The following EIPR1 variants were observed in gnomAD, a reference collection of about 807,000 sequenced individuals.
EIPR1 encodes the protein EARP and GARP complex-interacting protein 1.
In EIPR1, 25 loss-of-function variants were observed where a neutral mutation model predicts 48.1. That is an observed-to-expected ratio of 0.52 (90% CI 0.38 to 0.73). The LOEUF (loss-of-function observed/expected upper bound fraction) is 0.73. Ranked by LOEUF, EIPR1 falls within the 30% of genes least tolerant of loss-of-function variation. The pLI is 0.00. For synonymous variants in EIPR1, 204 were observed against 201.9 expected (o/e 1.01, Z -0.09); for missense variants, 415 against 506.2 (o/e 0.82, Z 1.73).
intron 2 of EIPR1, among the ~76,000 whole-genome samples, chr2:3,346,026 A>G (rs1670390161): frequency 6.6e-6 from 1 of 152,230 alleles, no homozygotes; most frequent in South Asian, 2.1e-4. Flanking sequence ...GGGAAACCCT[A>G]TGATCCAGAG....
At chr2:3,337,898 C>T (rs1446062772) in intron 3 of EIPR1, 119 bp downstream of exon 3, 1 of 1,128,700 alleles carries the variant, frequency 8.9e-7, no homozygotes, top group African/African-American at 1.6e-5. Context: ...CATGCAACAC[C>T]TTCATTAATG....
intron 3 of EIPR1, among the ~76,000 whole-genome samples, chr2:3,329,734 C>A (rs527668073): frequency 6.7e-6 from 1 of 149,512 alleles, no homozygotes; most frequent in East Asian, 2.0e-4. Flanking sequence ...AGGCTCTACT[C>A]GCCATGCTCT....
chr2:3,216,773 C>A (rs1374480274), intron 4 of EIPR1, among the ~76,000 whole-genome samples: 1 of 152,186 alleles, frequency 6.6e-6, no homozygotes, highest in Non-Finnish European at 1.5e-5. Context: ...ACACTTAATA[C>A]CTGTTGATGA....
chr2:3,317,513 G>A (rs543115948), intron 3 of EIPR1, among the ~76,000 whole-genome samples: 2 of 152,230 alleles, frequency 1.3e-5, no homozygotes, highest in Non-Finnish European at 2.9e-5. Flanking sequence ...TGCCGGGAGC[G>A]CATGAGGCGC....
In EIPR1 at chr2:3,307,517, T is replaced by C. The variant is rs144300235; in HGVS notation, c.259+30500A>G. ...GCAATAGAACCAGCAGCCCCACTTCTGCAGGAGCAGCACCAGGCAGCCAGG... is the reference window on the plus strand; with the variant it reads ...GCAATAGAACCAGCAGCCCCACTTCCGCAGGAGCAGCACCAGGCAGCCAGG... On this transcript the variant is annotated intron_variant, in intron 3 of 8. Coordinates refer to ENST00000382125, the MANE Select transcript of EIPR1 (RefSeq NM_003310.5). Among the ~76,000 whole-genome samples the C allele has an allele frequency of 2.1e-3, 325 of 152,318 alleles. 2 individuals are homozygous for C. Among genetic ancestry groups the C allele is most frequent in the African/African-American group, 7.4e-3 (309 of 41,570 alleles).
chr2:3,214,739 G>C (rs569596172), intron 4 of EIPR1, among the ~76,000 whole-genome samples: 166 of 152,332 alleles, frequency 1.1e-3, no homozygotes, highest in Middle Eastern at 6.8e-3. Context: ...CACACTGAAA[G>C]TGAAAGGTAG....
At chr2:3,364,971 AAG>A (rs768264370) in intron 1 of EIPR1, among the ~76,000 whole-genome samples, 2 of 152,218 alleles carry the variant, frequency 1.3e-5, no homozygotes, top group Non-Finnish European at 2.9e-5. Context: ...AAATAGCTAA[AAG>A]AGAATAATTT....
chr2:3,231,202 C>A (rs2103167164), intron 4 of EIPR1, among the ~76,000 whole-genome samples: 1 of 152,248 alleles, frequency 6.6e-6, no homozygotes, highest in African/African-American at 2.4e-5. Flanking sequence ...GATTTTGTAT[C>A]CTGCAACTTT....
chr2:3,299,658 A>ACG (rs57693769), intron 3 of EIPR1, among the ~76,000 whole-genome samples: 53 of 150,384 alleles, frequency 3.5e-4, no homozygotes, highest in African/African-American at 9.8e-4. Flanking sequence ...ACACACACAC[A>ACG]CTTTGAGTTA....
At chr2:3,345,948 A>C (rs1481065527) in intron 2 of EIPR1, among the ~76,000 whole-genome samples, 1 of 152,006 alleles carries the variant, frequency 6.6e-6, no homozygotes, top group South Asian at 2.1e-4. Flanking sequence ...GTCCAGTGAA[A>C]ACCACCACCA....
intron 3 of EIPR1, among the ~76,000 whole-genome samples, chr2:3,330,393 A>T (rs542685815): frequency 6.6e-6 from 1 of 152,362 alleles, no homozygotes; most frequent in East Asian, 1.9e-4. Context: ...TGGAAGGTCC[A>T]GAGCAAGGGG....
chr2:3,354,565 A>G lies in EIPR1; in HGVS notation c.111T>C (p.Leu37=), dbSNP rs1670673400. 1 of 1,614,104 alleles carries G rather than the reference A, an allele frequency of 6.2e-7. No homozygotes were observed. The highest frequency in any genetic ancestry group is 8.5e-7 in the Non-Finnish European group (1 of 1,179,978). ...AAATAGTTACCTGATTATCATATTT[A>G]AGAGACTGCGTCCCAACCAAAAACC... ...AIRFLVGTQS[L]KYDNQIHIID... is the part of the protein sequence containing the mutation. Residue 37 remains leucine, a synonymous_variant, in exon 2 of 9, where the codon CTT becomes CTC. Transcript: ENST00000382125.
In EIPR1 at chr2:3,236,046, A is replaced by G. The variant is rs578095503; in HGVS notation, c.416+21253T>C. On this transcript the variant is annotated intron_variant, in intron 4 of 8. Coordinates refer to ENST00000382125, the MANE Select transcript of EIPR1 (RefSeq NM_003310.5). The stretch of plus-strand genomic sequence containing the variant: ...CCCGGGCACTCCTGTTGACATGCTA[A>G]GAGCGCCTCCACATGCATGAAGGTG... Among the ~76,000 whole-genome samples, 3 of 152,306 alleles carry G rather than the reference A, an allele frequency of 2.0e-5. No individual in the cohort carries two copies. In the East Asian group the frequency reaches 5.8e-4, roughly 29 times the overall value.
intron 3 of EIPR1, among the ~76,000 whole-genome samples, chr2:3,308,733 AAAGAC>A (rs1382402475): frequency 6.6e-6 from 1 of 152,212 alleles, no homozygotes; most frequent in African/African-American, 2.4e-5. Context: ...TCTGAAAACT[AAAGAC>A]AAGAACGAAA....
At chr2:3,209,524 G>A (rs920024677) in intron 5 of EIPR1, among the ~76,000 whole-genome samples, 4 of 152,194 alleles carry the variant, frequency 2.6e-5, no homozygotes, top group African/African-American at 7.2e-5. Context: ...ACTGTCAAAC[G>A]CACAGCGATC....
Position 3,221,434 on chromosome 2 carries a change from G to T in EIPR1, c.417-7186C>A, listed in dbSNP as rs868633031. 5.1e-4 allele frequency among the ~76,000 whole-genome samples: 2 copies of T among 3,922 alleles called. 1 individual carries two copies. The highest frequency in any genetic ancestry group is 8.7e-4 in the African/African-American group (2 of 2,292). 2.6% of individuals were successfully genotyped at this position (3,922 alleles called of 152,430 possible). ...CACTCTAGAACACTCACAGTGAGTC[G>T]GGAACACACGCACAAAATGGCCGAG... is the stretch of plus-strand genomic sequence containing the variant. On this transcript the variant is annotated intron_variant, in intron 4 of 8. Transcript: ENST00000382125.
At chr2:3,213,773 A>G (rs1241427778) in intron 5 of EIPR1, among the ~76,000 whole-genome samples, 1 of 152,208 alleles carries the variant, frequency 6.6e-6, no homozygotes, top group East Asian at 1.9e-4. Flanking sequence ...CTGTTCATTA[A>G]CTAAGGTCAA....
At position 3,280,632 on chromosome 2, in the gene EIPR1, G is replaced by A. The variant is rs577400820; in HGVS notation, c.260-23177C>T. ...TTGTCTAAGTCAGCTACAAGTATCCGCTCTGATTTTAACATCAGCAGGCCT... is the reference window on the plus strand; with the variant it reads ...TTGTCTAAGTCAGCTACAAGTATCCACTCTGATTTTAACATCAGCAGGCCT... On this transcript the variant is annotated intron_variant, in intron 3 of 8. Coordinates refer to ENST00000382125, the MANE Select transcript of EIPR1 (RefSeq NM_003310.5). Among the ~76,000 whole-genome samples, 14 of 152,288 alleles carry A rather than the reference G, an allele frequency of 9.2e-5. No individual in the cohort carries two copies. The East Asian group carries it at 2.1e-3, about 23-fold the overall frequency.
At chr2:3,321,430 G>C (rs530646224) in intron 3 of EIPR1, among the ~76,000 whole-genome samples, 19 of 152,170 alleles carry the variant, frequency 1.2e-4, no homozygotes, top group African/African-American at 4.3e-4. Flanking sequence ...GGCACTTGAC[G>C]ATGAGGCTGA....
Sources: allele counts gnomAD v4.1 joint callset (sites outside exome capture counted in the v4.1 genomes callset), GRCh38; gene constraint gnomAD v4.1.1; transcripts MANE v1.5; gene names NCBI Gene and HGNC (gene_info 2026-07-23, HGNC 2026-07-21).